Variants in SORCS3 observed in about 807,000 individuals in gnomAD.
The protein encoded by SORCS3 is sortilin related VPS10 domain containing receptor 3.
Under a neutral mutation model 146.3 loss-of-function variants are expected in SORCS3, and 57 were observed. The observed-to-expected ratio is 0.39, with a 90% CI of 0.31 to 0.49. SORCS3 has a LOEUF of 0.49. Among genes scored for constraint, SORCS3 ranks in the 20% least tolerant of loss-of-function variants. The pLI, the probability that SORCS3 is intolerant of heterozygous loss-of-function variation, is 0.92. For missense variants in SORCS3, 1,341 were observed against 1,575.5 expected, an observed-to-expected ratio of 0.85 and a Z score of 2.52; for synonymous variants, 653 against 618.5, an observed-to-expected ratio of 1.06 and a Z score of -0.83.
chr10:104,864,755 G>T (rs2018442331), intron 2 of SORCS3, among the ~76,000 whole-genome samples: 1 of 152,190 alleles, frequency 6.6e-6, no homozygotes, highest in Non-Finnish European at 1.5e-5. Context: ...GGGTGATAAT[G>T]TGAGATACTG....
intron 3 of SORCS3, among the ~76,000 whole-genome samples, chr10:104,918,741 G>A (rs954879648): frequency 6.6e-6 from 1 of 152,154 alleles, no homozygotes; most frequent in African/African-American, 2.4e-5. Context: ...CACTTTGGGC[G>A]AAGCAAGAAC....
intron 3 of SORCS3, among the ~76,000 whole-genome samples, chr10:104,943,008 G>A (rs894702460): frequency 1.3e-4 from 20 of 151,930 alleles, no homozygotes; most frequent in African/African-American, 4.4e-4. Flanking sequence ...TAACAACTGT[G>A]GAAAATTCAA....
intron 1 of SORCS3, among the ~76,000 whole-genome samples, chr10:104,753,519 T>C (rs1293937770): frequency 1.3e-5 from 2 of 152,196 alleles, no homozygotes; most frequent in East Asian, 1.9e-4. Context: ...AGGAAGAGTG[T>C]TAAGTATTTA....
intron 7 of SORCS3, among the ~76,000 whole-genome samples, chr10:105,137,458 G>C (rs1344350): frequency 0.51 from 76,949 of 151,710 alleles, 19,810 homozygotes; most frequent in Admixed American, 0.55. Context: ...GAATTGTACA[G>C]TTTAAAATTA....
At chr10:105,241,324 G>A (rs1194674385) in intron 20 of SORCS3, among the ~76,000 whole-genome samples, 4 of 152,168 alleles carry the variant, frequency 2.6e-5, no homozygotes, top group Non-Finnish European at 5.9e-5. Context: ...GCTCCATGGA[G>A]GGCCCATGGC....
At chr10:105,200,187 T>C in intron 15 of SORCS3, 71 bp downstream of exon 15, 1 of 1,178,676 alleles carries the variant, frequency 8.5e-7, no homozygotes, top group African/African-American at 1.5e-5. Context: ...CTGGGTCTTA[T>C]CTGAGCCTTC....
intron 1 of SORCS3, among the ~76,000 whole-genome samples, chr10:104,818,291 C>A (rs951974728): frequency 6.6e-6 from 1 of 152,132 alleles, no homozygotes; most frequent in African/African-American, 2.4e-5. Context: ...CAATTGGAAT[C>A]CCTTCCTAGG....
At chr10:104,894,974 G>A (rs1460272049) in intron 2 of SORCS3, among the ~76,000 whole-genome samples, 5 of 152,152 alleles carry the variant, frequency 3.3e-5, no homozygotes, top group African/African-American at 1.2e-4. Context: ...AAATAGAAGT[G>A]GGAAGTGAAC....
intron 7 of SORCS3, among the ~76,000 whole-genome samples, chr10:105,128,932 T>TA (rs1462619764): frequency 1.3e-5 from 2 of 152,188 alleles, no homozygotes; most frequent in East Asian, 3.8e-4. Flanking sequence ...GTTCCTTTTT[T>TA]ATCTGAAAAT....
At chr10:104,781,028 A>G (rs1034888907) in intron 1 of SORCS3, among the ~76,000 whole-genome samples, 4 of 152,226 alleles carry the variant, frequency 2.6e-5, no homozygotes, top group Admixed American at 1.3e-4. Flanking sequence ...GTGGTAATAG[A>G]TGGAAAGTAT....
chr10:105,094,201 T>C (rs915775223), intron 6 of SORCS3, among the ~76,000 whole-genome samples: 7 of 152,064 alleles, frequency 4.6e-5, no homozygotes, highest in African/African-American at 1.7e-4. Flanking sequence ...GTTTCCAGAG[T>C]GGGGAAAGTA....
At chr10:105,131,797 T>G (rs1589648362) in intron 7 of SORCS3, among the ~76,000 whole-genome samples, 1 of 150,084 alleles carries the variant, frequency 6.7e-6, no homozygotes, top group Non-Finnish European at 1.5e-5. Flanking sequence ...AGAGGGGAGG[T>G]GCTACACACT....
chr10:105,005,276 G>A (rs574489709), intron 4 of SORCS3, among the ~76,000 whole-genome samples: 39 of 152,312 alleles, frequency 2.6e-4, no homozygotes, highest in African/African-American at 9.4e-4. Flanking sequence ...TAGCCAACAG[G>A]TTGGTTAAAA....
intron 23 of SORCS3, 113 bp from the exon 24 acceptor site, chr10:105,255,589 C>G: frequency 1.5e-6 from 1 of 686,152 alleles, no homozygotes; most frequent in Non-Finnish European, 2.6e-6. Flanking sequence ...TATCTTATCC[C>G]TAATTGAACC....
At chr10:104,945,908 G>A (rs1001431903) in intron 3 of SORCS3, among the ~76,000 whole-genome samples, 11 of 151,870 alleles carry the variant, frequency 7.2e-5, no homozygotes, top group South Asian at 2.1e-4. Context: ...GGACTCAGGC[G>A]GCTGTTATTT....
chr10:104,745,105 A>G (rs2133463968), intron 1 of SORCS3, among the ~76,000 whole-genome samples: 1 of 152,298 alleles, frequency 6.6e-6, no homozygotes, highest in South Asian at 2.1e-4. Context: ...GCGATGTTCC[A>G]TTTGCATGGT....
Position 105,250,822 on chromosome 10 carries a change from C to G in SORCS3, c.3106-1953C>G, listed in dbSNP as rs939260914. 2.6e-5 allele frequency among the ~76,000 whole-genome samples: 4 copies of G among 152,278 alleles called. No homozygotes were observed. The East Asian group carries it at 7.7e-4, about 29-fold the overall frequency. ...AGGATGCCTCCCTGGTTGGTGGACTCTTTAGGCTTCTGACTGCTGCTTCTT... is the reference window on the plus strand; with the variant it reads ...AGGATGCCTCCCTGGTTGGTGGACTGTTTAGGCTTCTGACTGCTGCTTCTT... On this transcript the variant is annotated intron_variant, in intron 22 of 26. Transcript: ENST00000369701.
chr10:104,779,707 C>T (rs1045274194), intron 1 of SORCS3, among the ~76,000 whole-genome samples: 1 of 152,126 alleles, frequency 6.6e-6, no homozygotes, highest in Non-Finnish European at 1.5e-5. Flanking sequence ...TCCTTTTCCA[C>T]GTGGTGCAGT....
At chr10:104,857,437 G>A (rs1045381938) in intron 2 of SORCS3, among the ~76,000 whole-genome samples, 1 of 152,118 alleles carries the variant, frequency 6.6e-6, no homozygotes, top group African/African-American at 2.4e-5. Flanking sequence ...TTTGCACAAT[G>A]TTATGATGTT....
Sources: gnomAD v4.1 joint callset for allele counts (sites outside exome capture counted in the v4.1 genomes callset) on GRCh38, gnomAD v4.1.1 for gene constraint, MANE v1.5 for transcripts, NCBI Gene and HGNC (gene_info 2026-07-23, HGNC 2026-07-21) for gene names.